The following TRIM37 variants were observed in gnomAD, a reference collection of about 807,000 sequenced individuals.
TRIM37 encodes E3 ubiquitin-protein ligase TRIM37.
Under a neutral mutation model 129.8 loss-of-function variants are expected in TRIM37, and 80 were observed. The observed-to-expected ratio is 0.62, with a 90% CI of 0.51 to 0.74. The LOEUF is 0.74. Among genes scored for constraint, TRIM37 ranks in the 30% least tolerant of loss-of-function variants. TRIM37 has a pLI of 0.00. For missense variants in TRIM37, 1,054 were observed against 1,176.5 expected, an observed-to-expected ratio of 0.90 and a Z score of 1.52; for synonymous variants, 389 against 387.1, an observed-to-expected ratio of 1.00 and a Z score of -0.06.
intron 16 of TRIM37, among the ~76,000 whole-genome samples, chr17:59,043,819 T>A (rs2039499843): frequency 6.6e-6 from 1 of 152,174 alleles, no homozygotes; most frequent in African/African-American, 2.4e-5. Flanking sequence ...GTAAGAGAGG[T>A]ACACCTTTAT....
At chr17:59,070,783 T>A in intron 9 of TRIM37, 40 bp downstream of exon 9, 1 of 1,601,906 alleles carries the variant, frequency 6.2e-7, no homozygotes, top group Non-Finnish European at 8.5e-7. Flanking sequence ...CATTTCCACA[T>A]AAATTTCAAA....
intron 24 of TRIM37, among the ~76,000 whole-genome samples, chr17:58,992,256 T>A (rs1011089565): frequency 2.8e-5 from 4 of 145,440 alleles, no homozygotes; most frequent in African/African-American, 1.0e-4. Context: ...GATATATATA[T>A]ATATAAATAT....
intron 19 of TRIM37, among the ~76,000 whole-genome samples, chr17:59,024,774 A>G (rs1030121333): frequency 6.6e-6 from 1 of 152,242 alleles, no homozygotes; most frequent in African/African-American, 2.4e-5. Context: ...ATCCTCCCTC[A>G]TCAGCATCCC....
At chr17:59,042,444 AAAAAAATATAT>A (rs1411574405) in intron 16 of TRIM37, among the ~76,000 whole-genome samples, 1 of 43,076 alleles carries the variant, frequency 2.3e-5, no homozygotes, top group Non-Finnish European at 5.1e-5. Flanking sequence ...AAAAAAAAAA[AAAAAAATATAT>A]ATATATATAT....
intron 24 of TRIM37, among the ~76,000 whole-genome samples, chr17:58,992,114 G>C (rs1011075564): frequency 2.0e-5 from 3 of 151,700 alleles, no homozygotes; most frequent in Non-Finnish European, 2.9e-5. Context: ...ATGCACTTAT[G>C]ATCAGAGTTT....
At chr17:59,101,138 A>C (rs982561152) in intron 2 of TRIM37, among the ~76,000 whole-genome samples, 5 of 152,192 alleles carry the variant, frequency 3.3e-5, no homozygotes, top group African/African-American at 1.2e-4. Context: ...ACAAGTAGGC[A>C]AGCAATCAAT....
chr17:58,985,214 AGTT>A (rs1325216097), intron 24 of TRIM37: 1 of 152,652 alleles, frequency 6.6e-6, no homozygotes, highest in Non-Finnish European at 1.5e-5. Context: ...AGGAAAGGTA[AGTT>A]ATTTACTGTT....
rs886053180 is a variant in TRIM37, at chr17:59,106,691, G to A, written c.-230C>T. On this transcript the variant is annotated 5_prime_UTR_variant, in exon 1 of 24. Coordinates refer to ENST00000262294, the MANE Select transcript of TRIM37 (RefSeq NM_015294.6). ...CCGCCCCGAGGCGCAGAAGTAGGGC[G>A]AACGGTGGCCGCAGCTCCTTTCTCC... is the stretch of plus-strand genomic sequence containing the variant. The A allele has an allele frequency of 1.3e-5, 8 of 599,056 alleles. No individual in the cohort carries two copies. The highest frequency in any genetic ancestry group is 2.1e-5 in the Non-Finnish European group (7 of 337,450). 37.1% of individuals were successfully genotyped at this position (599,056 alleles called of 1,614,324 possible).
At chr17:59,021,343 C>T (rs949794371) in intron 19 of TRIM37, among the ~76,000 whole-genome samples, 1 of 151,762 alleles carries the variant, frequency 6.6e-6, no homozygotes, top group Non-Finnish European at 1.5e-5. Flanking sequence ...TGCAGTGAGC[C>T]GAGATTGCAC....
intron 24 of TRIM37, chr17:58,985,007 A>G (rs2031665634): frequency 6.6e-6 from 1 of 152,666 alleles, no homozygotes; most frequent in South Asian, 2.1e-4. Flanking sequence ...AATGAAGTGA[A>G]TAATTTCTTA....
intron 17 of TRIM37, among the ~76,000 whole-genome samples, chr17:59,039,883 A>G (rs114943602): frequency 0.029 from 4,426 of 152,130 alleles, 180 homozygotes; most frequent in African/African-American, 0.09. Context: ...ACATGATTAG[A>G]TATTATTTTT....
At chr17:59,027,770 T>C (rs2037402043) in intron 19 of TRIM37, among the ~76,000 whole-genome samples, 1 of 152,184 alleles carries the variant, frequency 6.6e-6, no homozygotes, top group Non-Finnish European at 1.5e-5. Context: ...TTTTGAGGTT[T>C]TGCAAGACTC....
intron 23 of TRIM37, among the ~76,000 whole-genome samples, chr17:59,001,199 C>CAA (rs537326649): frequency 0.036 from 2,096 of 57,458 alleles, 24 homozygotes; most frequent in Middle Eastern, 0.13. Flanking sequence ...CATCTCGGGG[C>CAA]AAAAAAAAAA....
chr17:59,056,517 CAGG>C (rs1037628449), intron 13 of TRIM37, among the ~76,000 whole-genome samples: 2 of 151,694 alleles, frequency 1.3e-5, no homozygotes, highest in African/African-American at 2.4e-5. Flanking sequence ...ATCACGAGGT[CAGG>C]AGATCGAGAC....
intron 6 of TRIM37, among the ~76,000 whole-genome samples, chr17:59,080,659 T>C (rs541201338): frequency 3.4e-4 from 51 of 152,128 alleles, no homozygotes; most frequent in Admixed American, 3.2e-3. Flanking sequence ...GGCGTGGTGG[T>C]GGGCACCTGT....
At chr17:59,000,315 G>A (rs941033190) in intron 23 of TRIM37, among the ~76,000 whole-genome samples, 7 of 152,112 alleles carry the variant, frequency 4.6e-5, no homozygotes, top group Non-Finnish European at 1.0e-4. Context: ...AAATATTTAG[G>A]TAGGGCTGGC....
chr17:59,021,502 T>C (rs991123658), intron 19 of TRIM37, among the ~76,000 whole-genome samples: 1 of 152,138 alleles, frequency 6.6e-6, no homozygotes, highest in Admixed American at 6.5e-5. Flanking sequence ...CTGGAGATCG[T>C]TATGTTAAGT....
At chr17:59,094,071 T>A (rs1032200555) in intron 2 of TRIM37, among the ~76,000 whole-genome samples, 2 of 152,154 alleles carry the variant, frequency 1.3e-5, no homozygotes, top group Non-Finnish European at 2.9e-5. Flanking sequence ...GTTTTCGTAT[T>A]TTTATTAGAG....
intron 7 of TRIM37, 85 bp from the exon 8 acceptor site, chr17:59,075,799 C>T (rs1355033102): frequency 3.8e-6 from 4 of 1,065,130 alleles, no homozygotes; most frequent in Non-Finnish European, 5.8e-6. Context: ...TATTTAATAA[C>T]AAGAAATACA....
Sources: gnomAD v4.1 joint callset for allele counts (sites outside exome capture counted in the v4.1 genomes callset) on GRCh38, gnomAD v4.1.1 for gene constraint, MANE v1.5 for transcripts, NCBI Gene and HGNC (gene_info 2026-07-23, HGNC 2026-07-21) for gene names.